Variants in GALNT7 observed in about 807,000 individuals in gnomAD.
The protein encoded by GALNT7 is N-acetylgalactosaminyltransferase 7.
GALNT7 carries 60 observed loss-of-function variants against 82.1 expected under a neutral mutation model. The ratio of observed to expected loss-of-function variants is 0.73; its 90% CI spans 0.59 to 0.91. The LOEUF (loss-of-function observed/expected upper bound fraction) is 0.91. Among genes scored for constraint, GALNT7 ranks in the 40% least tolerant of loss-of-function variants. The pLI is 0.00. For synonymous variants in GALNT7, 243 were observed against 275.1 expected (o/e 0.88, Z 1.15); for missense variants, 660 against 804.2 (o/e 0.82, Z 2.17).
chr4:173,248,716 C>G (rs1045341525), intron 2 of GALNT7, among the ~76,000 whole-genome samples: 3 of 152,122 alleles, frequency 2.0e-5, no homozygotes, highest in African/African-American at 7.2e-5. Flanking sequence ...TTTTTTGTTA[C>G]CAGTCCACAG....
At position 173,248,170 on chromosome 4, in the gene GALNT7, A is replaced by C; in HGVS notation, c.317A>C (p.Asp106Ala). 2 of 1,613,902 alleles carry C rather than the reference A, an allele frequency of 1.2e-6. No homozygotes were observed. The highest frequency in any genetic ancestry group is 1.7e-6 in the Non-Finnish European group (2 of 1,179,868). ...CATGCTGGAGGAGATTCCCAGAAAG[A>C]TATCATGCAGAGGCAGTATCTCACA... ...EHHAGGDSQK[D>A]IMQRQYLTFK... is the part of the protein sequence containing the mutation. Residue 106 changes from aspartate (D) to alanine (A), a missense_variant, in exon 2 of 12, where the codon GAT becomes GCT. Around this residue, in one of 2 missense-constraint regions of GALNT7, gnomAD observed 527 missense variants for 683.5 expected, o/e 0.77. Transcript: ENST00000265000.
At chr4:173,300,575 A>C (rs1345779112) in intron 6 of GALNT7, among the ~76,000 whole-genome samples, 3 of 151,708 alleles carry the variant, frequency 2.0e-5, no homozygotes, top group Non-Finnish European at 4.4e-5. Context: ...TTAAGACAGA[A>C]AGGAGGCTGG....
chr4:173,178,052 T>TGTGTGTGTGTGTGCGCGCGC (rs563102408), intron 1 of GALNT7, among the ~76,000 whole-genome samples: 4 of 129,510 alleles, frequency 3.1e-5, no homozygotes, highest in South Asian at 2.6e-4. Context: ...TGTGTGTGTG[T>TGTGTGTGTGTGTGCGCGCGC]GCGCGCACGC....
intron 2 of GALNT7, among the ~76,000 whole-genome samples, chr4:173,281,135 G>A (rs1736095167): frequency 6.6e-6 from 1 of 152,108 alleles, no homozygotes. Context: ...GGAGGATTGT[G>A]CACCCTTGAG....
intron 2 of GALNT7, among the ~76,000 whole-genome samples, chr4:173,275,258 T>C (rs1473262939): frequency 1.3e-5 from 2 of 152,248 alleles, no homozygotes; most frequent in Non-Finnish European, 2.9e-5. Context: ...GCAAGCTGAA[T>C]GGTCCAATGA....
chr4:173,221,718 AGT>A (rs1038566077), intron 1 of GALNT7, among the ~76,000 whole-genome samples: 2 of 152,212 alleles, frequency 1.3e-5, no homozygotes, highest in Non-Finnish European at 2.9e-5. Flanking sequence ...TCTTTGAGAA[AGT>A]TAAAAGGCAG....
intron 1 of GALNT7, among the ~76,000 whole-genome samples, chr4:173,190,036 G>T (rs1414978075): frequency 6.6e-6 from 1 of 151,478 alleles, no homozygotes; most frequent in African/African-American, 2.4e-5. Context: ...AACTGATAAT[G>T]GCAAAATAGA....
intron 1 of GALNT7, among the ~76,000 whole-genome samples, chr4:173,201,393 T>C (rs1732941673): frequency 6.6e-6 from 1 of 152,164 alleles, no homozygotes; most frequent in Admixed American, 6.5e-5. Flanking sequence ...AACCTAAATA[T>C]GATAAATTTC....
intron 1 of GALNT7, among the ~76,000 whole-genome samples, chr4:173,213,101 G>T (rs1683070967): frequency 6.6e-6 from 1 of 152,082 alleles, no homozygotes. Context: ...TATTTTATTT[G>T]TAATTTTAAG....
chr4:173,183,327 T>G (rs1037686968), intron 1 of GALNT7, among the ~76,000 whole-genome samples: 1 of 151,906 alleles, frequency 6.6e-6, no homozygotes, highest in African/African-American at 2.4e-5. Context: ...TTATATCCTT[T>G]GAAATACCAC....
intron 1 of GALNT7, among the ~76,000 whole-genome samples, chr4:173,194,650 T>A (rs903063844): frequency 1.5e-4 from 23 of 152,236 alleles, no homozygotes; most frequent in Non-Finnish European, 2.9e-4. Flanking sequence ...TAGTTTTTTT[T>A]ATGTTATATT....
At chr4:173,191,095 C>T (rs570973332) in intron 1 of GALNT7, among the ~76,000 whole-genome samples, 23 of 151,776 alleles carry the variant, frequency 1.5e-4, no homozygotes, top group African/African-American at 5.6e-4. Flanking sequence ...TAAGGAAACA[C>T]ACAGATAGTG....
rs529352670 is a variant in GALNT7 at position 173,282,045 on chromosome 4, G to A, written c.588-10063G>A. On this transcript the variant is annotated intron_variant, in intron 2 of 11. Transcript: ENST00000265000. ...AAAGCACTTCGCAGCGGAGAGGGGAGTCCGAGTGGATTGCCGAGTTACAGC... is the reference window on the plus strand; with the variant it reads ...AAAGCACTTCGCAGCGGAGAGGGGAATCCGAGTGGATTGCCGAGTTACAGC... Among the ~76,000 whole-genome samples the A allele has an allele frequency of 5.8e-4, 88 of 152,328 alleles. No individual in the cohort carries two copies. In the Middle Eastern group the frequency reaches 0.01, roughly 18 times the overall value.
intron 1 of GALNT7, among the ~76,000 whole-genome samples, chr4:173,220,514 A>G (rs1733610467): frequency 6.6e-6 from 1 of 151,962 alleles, no homozygotes; most frequent in Admixed American, 6.6e-5. Context: ...AAAAATTATT[A>G]TTATACTTTA....
In GALNT7 at chr4:173,250,847, C is replaced by T. The variant is rs188962711; in HGVS notation, c.587+2407C>T. On this transcript the variant is annotated intron_variant, in intron 2 of 11. Transcript: ENST00000265000. Reference sequence around the variant, plus strand: ...GCCTGTCTCAGGTCTTCTGCATATGCTCTTCCCTCCTCCATGAATGCTTGT... The same window carrying T: ...GCCTGTCTCAGGTCTTCTGCATATGTTCTTCCCTCCTCCATGAATGCTTGT... 9.2e-5 allele frequency among the ~76,000 whole-genome samples: 14 copies of T among 152,214 alleles called. No homozygotes were observed. The East Asian group carries it at 2.7e-3, about 29-fold the overall frequency.
chr4:173,184,918 A>G (rs1261740808), intron 1 of GALNT7, among the ~76,000 whole-genome samples: 1 of 152,186 alleles, frequency 6.6e-6, no homozygotes, highest in African/African-American at 2.4e-5. Flanking sequence ...TAAGTGGTAA[A>G]AAAGATCAGA....
chr4:173,250,751 T>C (rs542528476), intron 2 of GALNT7, among the ~76,000 whole-genome samples: 2 of 152,330 alleles, frequency 1.3e-5, no homozygotes, highest in African/African-American at 4.8e-5. Context: ...GCCCCCACGC[T>C]GTGGCCCTTA....
intron 1 of GALNT7, among the ~76,000 whole-genome samples, chr4:173,221,336 C>T (rs1205977248): frequency 6.6e-6 from 1 of 152,156 alleles, no homozygotes; most frequent in Non-Finnish European, 1.5e-5. Flanking sequence ...GCTGGAGTTA[C>T]AGCAGAAGAA....
intron 1 of GALNT7, among the ~76,000 whole-genome samples, chr4:173,194,006 G>A (rs997875850): frequency 6.6e-6 from 1 of 152,144 alleles, no homozygotes; most frequent in African/African-American, 2.4e-5. Context: ...TAGTTATAGT[G>A]AAAGCAATTA....
Sources: gnomAD v4.1 joint callset for allele counts (sites outside exome capture counted in the v4.1 genomes callset) on GRCh38, gnomAD v4.1.1 for gene constraint, gnomAD v4.1.1 regional missense constraint, MANE v1.5 for transcripts, NCBI Gene and HGNC (gene_info 2026-07-23, HGNC 2026-07-21) for gene names.